BUB1: variants seen among roughly 807,000 people sequenced by gnomAD.
The protein encoded by BUB1 is BUB1 mitotic checkpoint serine/threonine kinase.
Under a neutral mutation model 135.2 loss-of-function variants are expected in BUB1, and 84 were observed. The ratio of observed to expected loss-of-function variants is 0.62; its 90% confidence interval spans 0.52 to 0.74. The LOEUF is 0.74. Among genes scored for constraint, BUB1 ranks in the 30% least tolerant of loss-of-function variants. BUB1 has a pLI of 0.00. For missense variants in BUB1, 1,162 were observed against 1,288.3 expected (o/e 0.90, Z 1.50); for synonymous variants, 403 against 434.4 (o/e 0.93, Z 0.90).
chr2:110,677,941 C>T (rs774997395), intron 1 of BUB1, 29 bp downstream of exon 1: 2 of 1,603,588 alleles, frequency 1.2e-6, no homozygotes, highest in Non-Finnish European at 1.7e-6. Flanking sequence ...GCCCCCTGGG[C>T]TTCCCCACCC....
At chr2:110,657,230 T>A in intron 14 of BUB1, 113 bp from the exon 15 acceptor site, 1 of 810,248 alleles carries the variant, frequency 1.2e-6, no homozygotes, top group Non-Finnish European at 1.9e-6. Flanking sequence ...TTAATCTTTA[T>A]ATAGATATTC....
intron 8 of BUB1, 35 bp from the exon 9 acceptor site, chr2:110,666,449 T>C (rs1474752225): frequency 7.6e-7 from 1 of 1,311,140 alleles, no homozygotes; most frequent in Non-Finnish European, 9.8e-7. Context: ...GCATGCAAAA[T>C]TTAAATCCAG....
chr2:110,670,471 A>C (rs1363631304), intron 5 of BUB1, 54 bp downstream of exon 5: 32 of 1,593,734 alleles, frequency 2.0e-5, no homozygotes, highest in Non-Finnish European at 2.7e-5. Context: ...AAATACTAGT[A>C]CAAATCCAAG....
chr2:110,651,146 C>T lies in BUB1; in HGVS notation c.1965-362G>A, dbSNP rs1367423275. 2.6e-4 allele frequency among the ~76,000 whole-genome samples: 39 copies of T among 152,120 alleles called. 2 individuals carry two copies. On this transcript the variant is annotated intron_variant, in intron 17 of 24. Transcript: ENST00000302759. ...ATTCCAAAAATGGCTGCTTTTATAA[C>T]ATTGAAACAAACAGAAAATGTCAAT...
At chr2:110,639,951 T>G (rs753109866) in intron 23 of BUB1, 103 bp from the exon 24 acceptor site, 1 of 976,432 alleles carries the variant, frequency 1.0e-6, no homozygotes, top group Non-Finnish European at 1.6e-6. Flanking sequence ...CTCACAGGAT[T>G]TTACTTTTAA....
At position 110,660,002 on chromosome 2, in the gene BUB1, G is replaced by A; in HGVS notation, c.1252C>T (p.Gln418Ter). 3 of 1,611,922 alleles carry A rather than the reference G, an allele frequency of 1.9e-6. No individual in the cohort carries two copies. Among genetic ancestry groups the A allele is most frequent in the Non-Finnish European group, 2.5e-6 (3 of 1,178,208 alleles). The change falls in exon 11 of 25, where the codon CAG becomes TAG. Residue 418 changes from glutamine to a stop codon, truncating the protein, a stop_gained. Coordinates refer to ENST00000302759, the MANE Select transcript of BUB1 (RefSeq NM_004336.5). LOFTEE classifies it high-confidence loss of function. ...CCTTCTTTGATCTCTGCTCCACTCTGTGGCTTGAATTCATGAGTACTCTTA... is the reference window on the plus strand; with the variant it reads ...CCTTCTTTGATCTCTGCTCCACTCTATGGCTTGAATTCATGAGTACTCTTA... ...VNKSTHEFKP[Q>*]SGAEIKEGCE...
chr2:110,673,973 C>A (rs977073714), intron 3 of BUB1, 113 bp downstream of exon 3: 37 of 884,754 alleles, frequency 4.2e-5, no homozygotes, highest in Non-Finnish European at 6.3e-5. Context: ...CTCTCTGTAT[C>A]TTCAGAACTA....
chr2:110,647,132 C>T (rs1689664250), intron 19 of BUB1, among the ~76,000 whole-genome samples: 1 of 152,122 alleles, frequency 6.6e-6, no homozygotes, highest in Admixed American at 6.6e-5. Context: ...TATCCATTCT[C>T]AACAATCTCT....
At chr2:110,655,663 A>T in intron 16 of BUB1, 76 bp downstream of exon 16, 5 of 1,314,272 alleles carry the variant, frequency 3.8e-6, no homozygotes, top group Non-Finnish European at 5.1e-6. Context: ...GAAAACTACA[A>T]GAATCAAACT....
At chr2:110,645,743 AT>A (rs1263127964) in intron 19 of BUB1, among the ~76,000 whole-genome samples, 3 of 151,978 alleles carry the variant, frequency 2.0e-5, no homozygotes, top group Non-Finnish European at 2.9e-5. Context: ...TTTTAAAAAA[AT>A]ATTTGTAGAG....
At chr2:110,645,914 G>A (rs988305948) in intron 19 of BUB1, among the ~76,000 whole-genome samples, 2 of 152,042 alleles carry the variant, frequency 1.3e-5, no homozygotes, top group Non-Finnish European at 2.9e-5. Context: ...GACATAATGT[G>A]TATAAGCCTA....
chr2:110,653,427 T>A lies in BUB1; in HGVS notation c.1964+9A>T, dbSNP rs370638061. ...GAGAATGGCAGAACCAAATAAACCC[T>A]CACAATACCTGAATTTTCCATCCCT... On this transcript the variant is annotated intron_variant, in intron 17 of 24. Coordinates refer to ENST00000302759, the MANE Select transcript of BUB1 (RefSeq NM_004336.5). 39 of 1,611,580 alleles carry A rather than the reference T, an allele frequency of 2.4e-5. No individual in the cohort carries two copies. Among genetic ancestry groups the A allele is most frequent in the Non-Finnish European group, 3.2e-5 (38 of 1,178,026 alleles).
intron 5 of BUB1, 102 bp downstream of exon 5, chr2:110,670,423 C>A: frequency 1.5e-6 from 2 of 1,359,438 alleles, no homozygotes; most frequent in Non-Finnish European, 2.1e-6. Flanking sequence ...CAGGTGTGAG[C>A]CACCATGCCC....
chr2:110,650,407 T>G, intron 18 of BUB1, 139 bp downstream of exon 18: 1 of 710,200 alleles, frequency 1.4e-6, no homozygotes, highest in Non-Finnish European at 2.3e-6. Context: ...TGTGATGCAT[T>G]ATGCAAGTTT....
At position 110,674,160 on chromosome 2, in the gene BUB1, G is replaced by T. The variant is rs370689941; in HGVS notation, c.151C>A (p.His51Asn). Residue 51 changes from histidine to asparagine, a missense_variant, in exon 3 of 25, where the codon CAT becomes AAT. Physicochemically the swap from His to Asn is moderately conservative, Grantham distance 68. Transcript: ENST00000302759. ...NKEYLITLLE[H>N]LMKEFLDKKK... Reference sequence around the variant, plus strand: ...TTATCTAAAAATTCCTTCATTAAATGTTCTAGTAAAGTTATCAAGTATTCT... The same window carrying T: ...TTATCTAAAAATTCCTTCATTAAATTTTCTAGTAAAGTTATCAAGTATTCT... 6.3e-7 allele frequency: 1 copy of T among 1,587,150 alleles called. No individual in the cohort carries two copies. The highest frequency in any genetic ancestry group is 1.3e-5 in the African/African-American group (1 of 74,226).
intron 24 of BUB1, 109 bp from the exon 25 acceptor site, chr2:110,638,268 T>C: frequency 1.3e-6 from 1 of 763,850 alleles, no homozygotes; most frequent in East Asian, 2.8e-5. Flanking sequence ...GTATAACAAC[T>C]CTCACCTAAA....
chr2:110,666,136 A>T, intron 9 of BUB1, 127 bp downstream of exon 9: 1 of 955,008 alleles, frequency 1.0e-6, no homozygotes, highest in Non-Finnish European at 1.4e-6. Flanking sequence ...AAATTATTTT[A>T]GACTTTCAGA....
In BUB1 at chr2:110,677,987, G is replaced by T; in HGVS notation, c.9C>A (p.Thr3=). Residue 3 remains threonine, a synonymous_variant, in exon 1 of 25, where the codon ACC becomes ACA. Transcript: ENST00000302759. ...ACACTTACTGAAGGACATTTTCCGG[G>T]GTGTCCATGGCCAGAGGACGCTGGC... The part of the protein sequence containing the change: MD[T]PENVLQMLEA... 1 of 1,608,904 alleles carries T rather than the reference G, an allele frequency of 6.2e-7. No homozygotes were observed. Among genetic ancestry groups the T allele is most frequent in the Non-Finnish European group, 8.5e-7 (1 of 1,178,002 alleles).
Position 110,650,649 on chromosome 2 carries a change from G to A in BUB1, c.2100C>T (p.Leu700=). The change falls in exon 18 of 25, where the codon CTC becomes CTT. Residue 700 remains leucine, a synonymous_variant. Transcript: ENST00000302759. ...EAELGVEACR[L]TDTDAAIAED... Reference sequence around the variant, plus strand: ...CTGCAATGGCAGCGTCAGTGTCTGTGAGTCTGCAAGCCTCAACGCCCAACT... The same window carrying A: ...CTGCAATGGCAGCGTCAGTGTCTGTAAGTCTGCAAGCCTCAACGCCCAACT... 2 of 1,613,966 alleles carry A rather than the reference G, an allele frequency of 1.2e-6. No homozygotes were observed. Among genetic ancestry groups the A allele is most frequent in the Non-Finnish European group, 1.7e-6 (2 of 1,179,966 alleles).
Sources: allele counts gnomAD v4.1 joint callset (sites outside exome capture counted in the v4.1 genomes callset), GRCh38; gene constraint gnomAD v4.1.1; transcripts MANE v1.5; gene names NCBI Gene and HGNC (gene_info 2026-07-23, HGNC 2026-07-21).